C2orf81: variants seen among roughly 807,000 people sequenced by gnomAD.
C2orf81 encodes chromosome 2 open reading frame 81, also known as uncharacterized protein C2orf81.
A neutral mutation model predicts 7.9 loss-of-function variants in C2orf81; 5 were observed. The ratio of observed to expected loss-of-function variants is 0.63; its 90% CI spans 0.33 to 1.33. The LOEUF (loss-of-function observed/expected upper bound fraction) is 1.33. Ranked by LOEUF, C2orf81 falls within the 40% of genes most tolerant of loss-of-function variation. C2orf81 has a pLI of 0.05. For missense variants in C2orf81, 781 were observed against 830.4 expected (o/e 0.94, Z 0.73); for synonymous variants, 346 against 367.4 (o/e 0.94, Z 0.66).
At position 74,415,052 on chromosome 2, in the gene C2orf81, G is replaced by A. The variant is rs1214823821; in HGVS notation, c.1125C>T (p.Arg375=). 5 of 1,548,478 alleles carry A rather than the reference G, an allele frequency of 3.2e-6. No homozygotes were observed. The highest frequency in any genetic ancestry group is 1.2e-5 in the South Asian group (1 of 83,950). Residue 375 remains arginine (R), a synonymous_variant, in exon 3 of 3, where the codon CGC becomes CGT. Coordinates refer to ENST00000684111, the MANE Select transcript of C2orf81 (RefSeq NM_001316764.3). This position sits in a 1 kb window ranked among gnomAD's most constrained non-coding sequence, Gnocchi z 5.5. The part of the protein sequence containing the change: ...HRMRRKAAVK[R]LDPARLPCHW... ...GGCACGGGAGCCTCGCAGGGTCCAG[G>A]CGTTTCACGGCCGCCTTGCGGCGCA... is the stretch of plus-strand genomic sequence containing the variant.
intron 1 of C2orf81, among the ~76,000 whole-genome samples, chr2:74,418,887 A>T (rs948987787): frequency 1.4e-5 from 2 of 145,712 alleles, no homozygotes; most frequent in East Asian, 3.9e-4. Context: ...AAGCTCATAT[A>T]AAAAAAAAAA....
rs888160474 is a variant in C2orf81 at position 74,414,796 on chromosome 2, G to A, written c.1381C>T (p.Leu461=). The change falls in exon 3 of 3, where the codon CTA becomes TTA. Residue 461 remains leucine (L), a synonymous_variant. Transcript: ENST00000684111. This position sits in a 1 kb window ranked among gnomAD's most constrained non-coding sequence, Gnocchi z 5.3. ...TTTGACTCGAGGGATGGCGACGATA[G>A]GCCTAAATTTAAAGTGGGGAACAGG... ...ALLFPTLNLG[L]SSPSLESKLP... 4 of 1,551,496 alleles carry A rather than the reference G, an allele frequency of 2.6e-6. No homozygotes were observed. The highest frequency in any genetic ancestry group is 2.4e-5 in the East Asian group (1 of 40,924).
chr2:74,415,079 C>T lies in C2orf81; in HGVS notation c.1098G>A (p.Arg366=). The change falls in exon 3 of 3, where the codon AGG becomes AGA. Residue 366 remains arginine (R), a synonymous_variant. Coordinates refer to ENST00000684111, the MANE Select transcript of C2orf81 (RefSeq NM_001316764.3). This position sits in a 1 kb window ranked among gnomAD's most constrained non-coding sequence, Gnocchi z 5.5. ...SDVRLSAHHH[R]MRRKAAVKRL... Reference sequence around the variant, plus strand: ...GTTTCACGGCCGCCTTGCGGCGCATCCTGTGGTGGTGGGCGCTCAGCCGCA... The same window carrying T: ...GTTTCACGGCCGCCTTGCGGCGCATTCTGTGGTGGTGGGCGCTCAGCCGCA... 6.5e-7 allele frequency: 1 copy of T among 1,548,316 alleles called. No homozygotes were observed. Among genetic ancestry groups the T allele is most frequent in the Non-Finnish European group, 8.7e-7 (1 of 1,145,670 alleles).
chr2:74,418,489 C>A, intron 1 of C2orf81: 1 of 1,192,962 alleles, frequency 8.4e-7, no homozygotes, highest in East Asian at 2.5e-5. Context: ...CTGGGATGGG[C>A]GAACTCGGCC....
At chr2:74,418,357 G>A (rs764410243) in intron 1 of C2orf81, 7 of 1,596,444 alleles carry the variant, frequency 4.4e-6, no homozygotes, top group African/African-American at 2.7e-5. Context: ...CTGCTTGCGC[G>A]GCCTGCCACG....
In C2orf81 at chr2:74,415,367, G is replaced by T. The variant is rs1273232349; in HGVS notation, c.810C>A (p.Asp270Glu). The change falls in exon 3 of 3, where the codon GAC becomes GAA. Residue 270 changes from aspartate to glutamate, a missense_variant. Transcript: ENST00000684111. This position sits in a 1 kb window ranked among gnomAD's most constrained non-coding sequence, Gnocchi z 5.5. ...ACGGATCCAGAGAAGGGTCGGCATC[G>T]TCGGCAGGCGCCTCCTCCACCGACA... ...FQLSVEEAPA[D>E]DADPSLDPYL... The T allele has an allele frequency of 6.6e-7, 1 of 1,516,714 alleles. No individual in the cohort carries two copies. Among genetic ancestry groups the T allele is most frequent in the Non-Finnish European group, 8.9e-7 (1 of 1,126,318 alleles). The allele number at this position is 1,516,714 out of a possible 1,614,324, so 94.0% of individuals were successfully genotyped here.
At chr2:74,418,072 G>A (rs1676513811) in intron 1 of C2orf81, 1 of 569,216 alleles carries the variant, frequency 1.8e-6, no homozygotes, top group Non-Finnish European at 3.2e-6. Context: ...GTGGGGGGTG[G>A]GAGGTGGGGG....
intron 1 of C2orf81, among the ~76,000 whole-genome samples, chr2:74,416,868 C>A (rs1349249335): frequency 6.6e-6 from 1 of 151,818 alleles, no homozygotes; most frequent in Non-Finnish European, 1.5e-5. Context: ...AAATAGGAAA[C>A]CAGAGGGGGA....
In C2orf81 at chr2:74,414,564, T is replaced by A. The variant is rs1676384382; in HGVS notation, c.1613A>T (p.Asp538Val). The change falls in exon 3 of 3, where the codon GAT (aspartate) becomes GTT (valine). Residue 538 changes from aspartate (D) to valine (V), a missense_variant. Transcript: ENST00000684111. This position sits in a 1 kb window ranked among gnomAD's most constrained non-coding sequence, Gnocchi z 5.3. ...TGTGGTTCGAGGCCATCTGCCAGGA[T>A]CCTGGCCCTCCCTGTCTGCCAGCTC... ...GLELADREGQ[D>V]PGRWPRTTPP... is the part of the protein sequence containing the mutation. 6.5e-7 allele frequency: 1 copy of A among 1,541,616 alleles called. No homozygotes were observed. The highest frequency in any genetic ancestry group is 8.8e-7 in the Non-Finnish European group (1 of 1,140,088).
In C2orf81 at chr2:74,414,650, C is replaced by A; in HGVS notation, c.1527G>T (p.Gly509=). 3 of 1,549,686 alleles carry A rather than the reference C, an allele frequency of 1.9e-6. No individual in the cohort carries two copies. The highest frequency in any genetic ancestry group is 2.6e-6 in the Non-Finnish European group (3 of 1,145,696). ...ACAGCTCGCCCAGCAGCTCGGCCTT[C>A]CCCTCCCAACCGCTGGGCCACCTGA... ...PSVRWPSGWE[G]KAELLGELWA... The change falls in exon 3 of 3, where the codon GGG becomes GGT. Residue 509 remains glycine (G), a synonymous_variant. Transcript: ENST00000684111. This position sits in a 1 kb window ranked among gnomAD's most constrained non-coding sequence, Gnocchi z 5.3.
intron 1 of C2orf81, among the ~76,000 whole-genome samples, chr2:74,419,073 A>C (rs1676538407): frequency 6.6e-6 from 1 of 151,928 alleles, no homozygotes. Flanking sequence ...TCCAGCTACT[A>C]GGGAGGCTGA....
rs746985748 is a variant in C2orf81 at position 74,415,563 on chromosome 2, G to A, written c.614C>T (p.Ser205Phe). 10 of 1,550,774 alleles carry A rather than the reference G, an allele frequency of 6.4e-6. No individual in the cohort carries two copies. In the South Asian group the frequency reaches 1.2e-4, roughly 18 times the overall value. Residue 205 changes from serine to phenylalanine, a missense_variant, in exon 3 of 3, where the codon TCC becomes TTC. Ser to Phe is a radical substitution (Grantham distance 155, BLOSUM62 -2). Coordinates refer to ENST00000684111, the MANE Select transcript of C2orf81 (RefSeq NM_001316764.3). The surrounding 1 kb of genome is among the most constrained non-coding windows in gnomAD (Gnocchi z 5.5). ...PLGRSWMGRG[S>F]QEQMESWEPS... ...CTCCCAAGATTCCATCTGCTCCTGG[G>A]AGCCTCGACCCATCCACGACCTTCC...
chr2:74,420,291 A>G (rs1481059992), intron 1 of C2orf81, among the ~76,000 whole-genome samples: 1 of 152,068 alleles, frequency 6.6e-6, no homozygotes, highest in Non-Finnish European at 1.5e-5. Context: ...ATCACTTAAA[A>G]AAAAAAAAAG....
intron 1 of C2orf81, chr2:74,417,710 G>A (rs1339483410): frequency 7.0e-6 from 4 of 568,398 alleles, no homozygotes; most frequent in Non-Finnish European, 1.1e-5. Flanking sequence ...AAGACCAGGG[G>A]AACCCTCCCA....
At position 74,415,713 on chromosome 2, in the gene C2orf81, C is replaced by T; in HGVS notation, c.464G>A (p.Gly155Asp). The stretch of plus-strand genomic sequence containing the variant: ...AGAGGCTCCTGAGGAGTGTACTTCG[C>T]CTTGGAAGTTCTCCAGGCCCTCCGA... The part of the protein sequence containing the change: ...STSEGLENFQ[G>D]EVHSSGASPD... Residue 155 changes from glycine to aspartate, a missense_variant, in exon 3 of 3, where the codon GGC becomes GAC. Coordinates refer to ENST00000684111, the MANE Select transcript of C2orf81 (RefSeq NM_001316764.3). This position sits in a 1 kb window ranked among gnomAD's most constrained non-coding sequence, Gnocchi z 5.5. 6.4e-7 allele frequency: 1 copy of T among 1,551,568 alleles called. No homozygotes were observed. Among genetic ancestry groups the T allele is most frequent in the Non-Finnish European group, 8.7e-7 (1 of 1,146,994 alleles).
In C2orf81 at chr2:74,421,597, G is replaced by A; in HGVS notation, c.-37C>T. 1 of 428,702 alleles carries A rather than the reference G, an allele frequency of 2.3e-6. No homozygotes were observed. The highest frequency in any genetic ancestry group is 6.2e-5 in the South Asian group (1 of 16,104). The allele number at this position is 428,702 out of a possible 1,614,324, so 26.6% of individuals were successfully genotyped here. On this transcript the variant is annotated 5_prime_UTR_variant, in exon 1 of 3. The change creates a premature stop within an existing upstream ORF in the 5' untranslated region. Transcript: ENST00000684111. ...TCGCAGCAACGCTGGTGTTTCTGCT[G>A]CATCCGGGCCGCGTAAGCCACCTAA...
At chr2:74,420,441 G>A (rs1253133936) in intron 1 of C2orf81, among the ~76,000 whole-genome samples, 2 of 152,124 alleles carry the variant, frequency 1.3e-5, no homozygotes, top group Non-Finnish European at 1.5e-5. Context: ...CCAAACCTTT[G>A]CCTATTGCCC....
In C2orf81 at chr2:74,416,269, G is replaced by A. The variant is rs1282002435; in HGVS notation, c.19-28C>T. 6 of 1,307,862 alleles carry A rather than the reference G, an allele frequency of 4.6e-6. No individual in the cohort carries two copies. In the South Asian group the frequency reaches 7.4e-5, roughly 16 times the overall value. 81.0% of individuals were successfully genotyped at this position (1,307,862 alleles called of 1,614,324 possible). On this transcript the variant is annotated intron_variant, in intron 1 of 2. Coordinates refer to ENST00000684111, the MANE Select transcript of C2orf81 (RefSeq NM_001316764.3). ...GTGAGAACAAAACATGGCAATCAGA[G>A]CAGGAAACCAAGAAGTGGAACGGAA...
In C2orf81 at chr2:74,415,085, G is replaced by T. The variant is rs916115943; in HGVS notation, c.1092C>A (p.His364Gln). Residue 364 changes from histidine to glutamine, a missense_variant, in exon 3 of 3, where the codon CAC becomes CAA. Coordinates refer to ENST00000684111, the MANE Select transcript of C2orf81 (RefSeq NM_001316764.3). The surrounding 1 kb of genome is among the most constrained non-coding windows in gnomAD (Gnocchi z 5.5). ...CGGCCGCCTTGCGGCGCATCCTGTG[G>T]TGGTGGGCGCTCAGCCGCACATCCG... The part of the protein sequence containing the change: ...GHSDVRLSAH[H>Q]HRMRRKAAVK... The T allele has an allele frequency of 6.5e-7, 1 of 1,547,864 alleles. No homozygotes were observed. Among genetic ancestry groups the T allele is most frequent in the East Asian group, 2.5e-5 (1 of 40,736 alleles).
Sources: gnomAD v4.1 joint callset for allele counts (sites outside exome capture counted in the v4.1 genomes callset) on GRCh38, gnomAD v4.1.1 for gene constraint, Gnocchi (gnomAD v3.1) non-coding constraint, MANE v1.5 for transcripts, NCBI Gene and HGNC (gene_info 2026-07-23, HGNC 2026-07-21) for gene names.